Variants in GTF2A1L observed in about 807,000 individuals in gnomAD.
The protein encoded by GTF2A1L is TFIIA-alpha and beta-like factor.
GTF2A1L carries 48 observed loss-of-function variants against 49.7 expected under a neutral mutation model. That is an observed-to-expected ratio of 0.97 (90% CI 0.77 to 1.23). The LOEUF is 1.23. GTF2A1L is among the 50% of genes most tolerant of loss of function. GTF2A1L has a pLI of 0.00. For missense variants in GTF2A1L, 736 were observed against 564.8 expected (o/e 1.30, Z -3.07); for synonymous variants, 246 against 193.5 (o/e 1.27, Z -2.25).
At chr2:48,634,742 TA>T (rs1229791338) in intron 3 of GTF2A1L, among the ~76,000 whole-genome samples, 1 of 152,260 alleles carries the variant, frequency 6.6e-6, no homozygotes, top group African/African-American at 2.4e-5. Context: ...TCCTGGCTTG[TA>T]AGGTTTCTGC....
rs1474061555 is a variant in GTF2A1L at position 48,671,715 on chromosome 2, A to G, written c.1329+35A>G. On this transcript the variant is annotated intron_variant, in intron 8 of 8. Transcript: ENST00000403751. ...TTACCTTTTGGACTTTGGGTTTATT[A>G]ACTGCATTTATAGTAGAAAGGTATG... 2.6e-6 allele frequency: 4 copies of G among 1,567,724 alleles called. No individual in the cohort carries two copies. In the Admixed American group the frequency reaches 5.3e-5, roughly 21 times the overall value.
intron 3 of GTF2A1L, among the ~76,000 whole-genome samples, chr2:48,641,617 T>C (rs1677203460): frequency 6.6e-6 from 1 of 152,192 alleles, no homozygotes; most frequent in South Asian, 2.1e-4. Context: ...CTTGAGTATC[T>C]AAGGTATATG....
chr2:48,666,348 G>C (rs61491288), intron 6 of GTF2A1L, among the ~76,000 whole-genome samples: 4,007 of 152,074 alleles, frequency 0.026, 155 homozygotes, highest in African/African-American at 0.09. Context: ...TGGGATTACA[G>C]GCATGTGCCA....
At chr2:48,676,448 T>G (rs758911814) in intron 8 of GTF2A1L, among the ~76,000 whole-genome samples, 7 of 151,834 alleles carry the variant, frequency 4.6e-5, no homozygotes, top group Non-Finnish European at 1.0e-4. Flanking sequence ...TTGTGAAAGA[T>G]GAAAAGTGAT....
intron 6 of GTF2A1L, among the ~76,000 whole-genome samples, chr2:48,656,076 C>T (rs1478973899): frequency 2.0e-5 from 3 of 152,142 alleles, no homozygotes; most frequent in Non-Finnish European, 2.9e-5. Context: ...TTTATTCATT[C>T]AAGTGTCTGT....
intron 6 of GTF2A1L, among the ~76,000 whole-genome samples, chr2:48,648,864 T>C (rs779572794): frequency 8.5e-5 from 13 of 152,174 alleles, no homozygotes; most frequent in Non-Finnish European, 1.9e-4. Flanking sequence ...TTATTTATTG[T>C]AAGTTACCTT....
At chr2:48,645,797 G>A (rs1010713809) in intron 5 of GTF2A1L, among the ~76,000 whole-genome samples, 1 of 151,880 alleles carries the variant, frequency 6.6e-6, no homozygotes, top group Non-Finnish European at 1.5e-5. Context: ...TACAGGCGCC[G>A]GCCACCACGC....
At chr2:48,661,377 C>G (rs2104271966) in intron 6 of GTF2A1L, among the ~76,000 whole-genome samples, 1 of 150,598 alleles carries the variant, frequency 6.6e-6, no homozygotes, top group African/African-American at 2.4e-5. Context: ...CCTCAGCCTC[C>G]TGAGTAGCCG....
chr2:48,675,235 G>T (rs941682522), intron 8 of GTF2A1L, among the ~76,000 whole-genome samples: 4 of 152,108 alleles, frequency 2.6e-5, no homozygotes, highest in Non-Finnish European at 5.9e-5. Flanking sequence ...TATTTTAAAG[G>T]CAGGTAGTAT....
chr2:48,635,703 G>T (rs1006071219), intron 3 of GTF2A1L, among the ~76,000 whole-genome samples: 1 of 152,052 alleles, frequency 6.6e-6, no homozygotes, highest in Non-Finnish European at 1.5e-5. Flanking sequence ...CTGCTCCAGA[G>T]CAGGTGCTTC....
chr2:48,625,788 G>A lies in GTF2A1L; in HGVS notation c.247+4498G>A, dbSNP rs145310491. On this transcript the variant is annotated intron_variant, in intron 3 of 8. Transcript: ENST00000403751. The stretch of plus-strand genomic sequence containing the variant: ...TGTAGAGACCAGGTTTTGCTGTGTC[G>A]TCCAGGCTGGTCTTGAACTCTTGGA... Among the ~76,000 whole-genome samples, 860 of 142,988 alleles carry A rather than the reference G, an allele frequency of 6.0e-3. 119 individuals are homozygous for A. Among genetic ancestry groups the A allele is most frequent in the Middle Eastern group, 0.011 (3 of 284 alleles). The allele number at this position is 142,988 out of a possible 152,430, so 93.8% of individuals were successfully genotyped here. A position where few individuals can be genotyped will look rare whatever the true frequency, so the allele number is the denominator to read the frequency against.
intron 1 of GTF2A1L, among the ~76,000 whole-genome samples, chr2:48,620,458 G>A (rs919884707): frequency 6.6e-6 from 1 of 152,220 alleles, no homozygotes; most frequent in African/African-American, 2.4e-5. Context: ...TATCTTTTAA[G>A]GCCAAATATG....
At position 48,675,570 on chromosome 2, in the gene GTF2A1L, G is replaced by T. The variant is rs75351638; in HGVS notation, c.1330-3765G>T. ...AGATATTTTGTTTCAGAGGCCTAGA[G>T]AATGTCTAAAATTAATATAAGGATT... is the stretch of plus-strand genomic sequence containing the variant. On this transcript the variant is annotated intron_variant, in intron 8 of 8. Coordinates refer to ENST00000403751, the MANE Select transcript of GTF2A1L (RefSeq NM_006872.5). Among the ~76,000 whole-genome samples, 664 of 152,062 alleles carry T rather than the reference G, an allele frequency of 4.4e-3. 4 individuals are homozygous for T. The highest frequency in any genetic ancestry group is 6.8e-3 in the Non-Finnish European group (462 of 67,894).
intron 3 of GTF2A1L, among the ~76,000 whole-genome samples, chr2:48,634,003 T>A (rs1018964898): frequency 2.0e-5 from 3 of 152,220 alleles, no homozygotes; most frequent in African/African-American, 7.2e-5. Context: ...AGCCCTTTAT[T>A]TTGAGCCTAT....
chr2:48,648,253 A>G (rs1443632418), intron 6 of GTF2A1L, among the ~76,000 whole-genome samples: 2 of 152,122 alleles, frequency 1.3e-5, no homozygotes, highest in Non-Finnish European at 2.9e-5. Flanking sequence ...ATAACATATA[A>G]CACTTAGTAA....
rs542363428 is a variant in GTF2A1L at position 48,663,113 on chromosome 2, T to C, written c.979-6609T>C. Among the ~76,000 whole-genome samples the C allele has an allele frequency of 3.3e-5, 5 of 152,216 alleles. No individual in the cohort carries two copies. The South Asian group carries it at 1.0e-3, about 32-fold the overall frequency. On this transcript the variant is annotated intron_variant, in intron 6 of 8. Transcript: ENST00000403751. The stretch of plus-strand genomic sequence containing the variant: ...TTATTTAGGAAAGAGGTCTCCCTTG[T>C]AGATAGATTAAAATATTACGCATTC...
At chr2:48,674,143 C>A (rs1679328824) in intron 8 of GTF2A1L, among the ~76,000 whole-genome samples, 1 of 152,150 alleles carries the variant, frequency 6.6e-6, no homozygotes, top group East Asian at 1.9e-4. Context: ...AGTTGAATTC[C>A]TGGGTCATGT....
chr2:48,669,820 A>G lies in GTF2A1L; in HGVS notation c.1077A>G (p.Glu359=). The G allele has an allele frequency of 6.2e-7, 1 of 1,614,090 alleles. No individual in the cohort carries two copies. Among genetic ancestry groups the G allele is most frequent in the South Asian group, 1.1e-5 (1 of 91,084 alleles). The change falls in exon 7 of 9, where the codon GAA becomes GAG. Residue 359 remains glutamate (E), a synonymous_variant. Coordinates refer to ENST00000403751, the MANE Select transcript of GTF2A1L (RefSeq NM_006872.5). ...VDGSGDTSSN[E]EIGSTRDADE... ...GAAGCGGTGATACATCTTCCAATGA[A>G]GAAATAGGAAGTACAAGAGATGCAG...
intron 6 of GTF2A1L, among the ~76,000 whole-genome samples, chr2:48,665,554 A>G (rs1034130308): frequency 3.3e-5 from 5 of 152,130 alleles, no homozygotes; most frequent in Non-Finnish European, 7.4e-5. Context: ...TTTCTAATTT[A>G]TCTTATGATT....
Sources: allele counts gnomAD v4.1 joint callset (sites outside exome capture counted in the v4.1 genomes callset), GRCh38; gene constraint gnomAD v4.1.1; transcripts MANE v1.5; gene names NCBI Gene and HGNC (gene_info 2026-07-23, HGNC 2026-07-21).